ASAP2: variants seen among roughly 807,000 people sequenced by gnomAD.
ASAP2 encodes the protein arf-GAP with SH3 domain, ANK repeat and PH domain-containing protein 2.
In ASAP2, 45 loss-of-function variants were observed where a neutral mutation model predicts 131.4. That is an observed-to-expected ratio of 0.34 (90% CI 0.27 to 0.44). The LOEUF (loss-of-function observed/expected upper bound fraction) is 0.44, where lower values mean the gene tolerates loss of function less well. Ranked by LOEUF, ASAP2 falls within the 20% of genes least tolerant of loss-of-function variation. ASAP2 has a pLI of 1.00. For synonymous variants in ASAP2, 510 were observed against 503.0 expected (o/e 1.01, Z -0.19); for missense variants, 1,011 against 1,297.0 (o/e 0.78, Z 3.39).
intron 6 of ASAP2, among the ~76,000 whole-genome samples, chr2:9,327,204 A>G: frequency 6.6e-6 from 1 of 150,704 alleles, no homozygotes; most frequent in Non-Finnish European, 1.5e-5. Context: ...ATTCCATTTC[A>G]GAGATCATCT....
chr2:9,252,633 C>T (rs539628196), intron 1 of ASAP2, among the ~76,000 whole-genome samples: 48 of 150,582 alleles, frequency 3.2e-4, no homozygotes, highest in African/African-American at 1.1e-3. Flanking sequence ...TTTAGGAACA[C>T]GGCCGGGTGC....
At chr2:9,275,190 C>T (rs912006114) in intron 1 of ASAP2, among the ~76,000 whole-genome samples, 3 of 151,488 alleles carry the variant, frequency 2.0e-5, no homozygotes, top group African/African-American at 7.3e-5. Flanking sequence ...AAGTGATCCT[C>T]CCTCCTCAGC....
At chr2:9,250,590 T>C (rs2148130839) in intron 1 of ASAP2, among the ~76,000 whole-genome samples, 1 of 108,682 alleles carries the variant, frequency 9.2e-6, no homozygotes, top group Admixed American at 7.7e-5. Flanking sequence ...AAATGCAGTG[T>C]GGTGTGCTCT....
At chr2:9,271,057 T>G (rs1666352292) in intron 1 of ASAP2, among the ~76,000 whole-genome samples, 1 of 151,854 alleles carries the variant, frequency 6.6e-6, no homozygotes, top group Admixed American at 6.6e-5. Flanking sequence ...CCTCCCAAAG[T>G]GCTGGGATTA....
At position 9,379,042 on chromosome 2, in the gene ASAP2, A is replaced by G; in HGVS notation, c.1931A>G (p.Lys644Arg). The change falls in exon 19 of 28, where the codon AAG (lysine) becomes AGG (arginine). Residue 644 changes from lysine (K) to arginine (R), a missense_variant. Around this residue, in one of 2 missense-constraint regions of ASAP2, gnomAD observed 652 missense variants for 698.9 expected, o/e 0.93. Transcript: ENST00000281419. ...AECLKLLLRG[K>R]ASIEIANESG... ...TGCCTCAAGTTGCTCCTGCGGGGGA[A>G]GGCCTCCATCGAGATAGGTGAGTGG... The G allele has an allele frequency of 1.3e-6, 2 of 1,570,790 alleles. No homozygotes were observed. The highest frequency in any genetic ancestry group is 1.7e-6 in the Non-Finnish European group (2 of 1,157,276).
chr2:9,335,071 TTGTGTG>T lies in ASAP2; in HGVS notation c.763-14_763-9del. 1 of 1,601,704 alleles carries T rather than the reference TTGTGTG, an allele frequency of 6.2e-7. No individual in the cohort carries two copies. Among genetic ancestry groups the T allele is most frequent in the Non-Finnish European group, 8.6e-7 (1 of 1,169,412 alleles). The stretch of plus-strand genomic sequence containing the variant: ...AGTCTTAATTTTCTGATTGGTTCTG[TTGTGTG>T]TGTGTGTTTTTAAAGATCAAACAGG... On this transcript the variant is annotated splice_polypyrimidine_tract_variant and intron_variant, in intron 8 of 27. Transcript: ENST00000281419.
rs761659270 is a variant in ASAP2, at chr2:9,379,014, G to A, written c.1903G>A (p.Glu635Lys). ...LHYCCLTDNA[E>K]CLKLLLRGKA... ...CTACTGCTGCCTGACCGACAATGCCGAGTGCCTCAAGTTGCTCCTGCGGGG... is the reference window on the plus strand; with the variant it reads ...CTACTGCTGCCTGACCGACAATGCCAAGTGCCTCAAGTTGCTCCTGCGGGG... Residue 635 changes from glutamate to lysine, a missense_variant, in exon 19 of 28, where the codon GAG (glutamate) becomes AAG (lysine). Around this residue, in one of 2 missense-constraint regions of ASAP2, gnomAD observed 652 missense variants for 698.9 expected, o/e 0.93. Transcript: ENST00000281419. The A allele has an allele frequency of 2.5e-6, 4 of 1,578,968 alleles. No homozygotes were observed. The highest frequency in any genetic ancestry group is 1.4e-5 in the African/African-American group (1 of 73,302).
Position 9,281,639 on chromosome 2 carries a change from C to G in ASAP2, c.199+2250C>G, listed in dbSNP as rs1297871251. On this transcript the variant is annotated intron_variant, in intron 2 of 27. Transcript: ENST00000281419. The surrounding 1 kb of genome is among the most constrained non-coding windows in gnomAD (Gnocchi z 4.0). Reference sequence around the variant, plus strand: ...AAGTTCGTGGAAGTCAGTTCCAGAGCATGGGAGAGAGAAGGAAGGCCTCTG... The same window carrying G: ...AAGTTCGTGGAAGTCAGTTCCAGAGGATGGGAGAGAGAAGGAAGGCCTCTG... Among the ~76,000 whole-genome samples the G allele has an allele frequency of 6.6e-6, 1 of 152,134 alleles. No individual in the cohort carries two copies. Among genetic ancestry groups the G allele is most frequent in the Non-Finnish European group, 1.5e-5 (1 of 68,014 alleles).
chr2:9,397,733 T>G lies in ASAP2; in HGVS notation c.2685-2290T>G, dbSNP rs1347837640. ...GGGAAAAAAAAATCAAAAGGATATATATATATATATATATATATTTTTTTT... is the reference window on the plus strand; with the variant it reads ...GGGAAAAAAAAATCAAAAGGATATAGATATATATATATATATATTTTTTTT... On this transcript the variant is annotated intron_variant, in intron 24 of 27. Coordinates refer to ENST00000281419, the MANE Select transcript of ASAP2 (RefSeq NM_003887.3). 2.5e-4 allele frequency among the ~76,000 whole-genome samples: 22 copies of G among 87,162 alleles called. 3 individuals carry two copies. The highest frequency in any genetic ancestry group is 1.9e-3 in the African/African-American group (22 of 11,536). The allele number at this position is 87,162 out of a possible 152,430, so 57.2% of individuals were successfully genotyped here. A position where few individuals can be genotyped will look rare whatever the true frequency, so the allele number is the denominator to read the frequency against.
At chr2:9,236,332 C>G (rs1050157013) in intron 1 of ASAP2, among the ~76,000 whole-genome samples, 1 of 152,042 alleles carries the variant, frequency 6.6e-6, no homozygotes, top group Non-Finnish European at 1.5e-5. Context: ...TTAAGTTCGT[C>G]GACATCTTCA....
chr2:9,345,452 A>C (rs1197351905), intron 11 of ASAP2, among the ~76,000 whole-genome samples: 2 of 152,144 alleles, frequency 1.3e-5, no homozygotes, highest in Admixed American at 1.3e-4. Flanking sequence ...AGGAACTTGG[A>C]TCACAGACAC....
chr2:9,387,049 CA>C (rs1192894691), intron 21 of ASAP2, among the ~76,000 whole-genome samples: 3 of 141,002 alleles, frequency 2.1e-5, no homozygotes, highest in Admixed American at 1.5e-4. Context: ...CTAAAAAATA[CA>C]AAAAAATTAG....
chr2:9,327,771 T>C, intron 6 of ASAP2, 55 bp from the exon 7 acceptor site: 34 of 1,384,514 alleles, frequency 2.5e-5, no homozygotes, highest in Non-Finnish European at 3.4e-5. Context: ...CAGAAGCTCC[T>C]TTTAAACTCG....
chr2:9,262,941 C>T (rs1422025579), intron 1 of ASAP2, among the ~76,000 whole-genome samples: 2 of 152,252 alleles, frequency 1.3e-5, no homozygotes, highest in Non-Finnish European at 2.9e-5. Flanking sequence ...AAGTGAAGTT[C>T]ATGTGGCTTG....
chr2:9,398,473 G>A lies in ASAP2; in HGVS notation c.2685-1550G>A, dbSNP rs1442177227. Among the ~76,000 whole-genome samples the A allele has an allele frequency of 2.0e-5, 3 of 151,880 alleles. No homozygotes were observed. The East Asian group carries it at 5.8e-4, about 29-fold the overall frequency. On this transcript the variant is annotated intron_variant, in intron 24 of 27. Coordinates refer to ENST00000281419, the MANE Select transcript of ASAP2 (RefSeq NM_003887.3). ...GCTGCGGTGAACTGATTGCCGCACT[G>A]CACTCGAGCTTGGGTAATAGGGCAG...
intron 18 of ASAP2, among the ~76,000 whole-genome samples, chr2:9,378,695 C>T (rs1674591807): frequency 6.6e-6 from 1 of 152,184 alleles, no homozygotes; most frequent in East Asian, 1.9e-4. Flanking sequence ...AACAGGGATG[C>T]CCCCCTCCCC....
chr2:9,214,712 C>T lies in ASAP2; in HGVS notation c.126+7482C>T, dbSNP rs1167913326. Among the ~76,000 whole-genome samples the T allele has an allele frequency of 5.9e-5, 9 of 151,330 alleles. 1 individual carries two copies. In the South Asian group the frequency reaches 1.9e-3, roughly 32 times the overall value. On this transcript the variant is annotated intron_variant, in intron 1 of 27. Coordinates refer to ENST00000281419, the MANE Select transcript of ASAP2 (RefSeq NM_003887.3). ...CTTCACTCATAAATGTATATTGGGCCCCTACCGTATGTTGTCACTGCCAGG... is the reference window on the plus strand; with the variant it reads ...CTTCACTCATAAATGTATATTGGGCTCCTACCGTATGTTGTCACTGCCAGG...
At chr2:9,374,702 G>A (rs780246180) in intron 16 of ASAP2, 53 bp from the exon 17 acceptor site, 18 of 1,514,136 alleles carry the variant, frequency 1.2e-5, no homozygotes, top group Non-Finnish European at 1.5e-5. Flanking sequence ...AGGGAGGCCG[G>A]ACGGCGGGTA....
At chr2:9,394,801 G>A (rs1054140359) in intron 24 of ASAP2, among the ~76,000 whole-genome samples, 2 of 152,180 alleles carry the variant, frequency 1.3e-5, no homozygotes. Context: ...ATGGTACTGT[G>A]GGGTCTTCGT....
Sources: allele counts gnomAD v4.1 joint callset (sites outside exome capture counted in the v4.1 genomes callset), GRCh38; gene constraint gnomAD v4.1.1; regional missense constraint gnomAD v4.1.1; non-coding constraint Gnocchi (gnomAD v3.1); transcripts MANE v1.5; gene names NCBI Gene and HGNC (gene_info 2026-07-23, HGNC 2026-07-21).